Variants in TRERF1 observed in about 807,000 individuals in gnomAD.
TRERF1 encodes transcriptional-regulating factor 1.
TRERF1 carries 27 observed loss-of-function variants against 122.9 expected under a neutral mutation model. The ratio of observed to expected loss-of-function variants is 0.22; its 90% confidence interval spans 0.16 to 0.30. The LOEUF (loss-of-function observed/expected upper bound fraction) is 0.30, where lower values mean the gene tolerates loss of function less well. Ranked by LOEUF, TRERF1 falls within the 10% of genes least tolerant of loss-of-function variation. The probability of loss-of-function intolerance (pLI) is 1.00; values close to 1 mark genes in which losing one functional copy is unlikely to be tolerated. For synonymous variants in TRERF1, 636 were observed against 641.7 expected (o/e 0.99, Z 0.13); for missense variants, 1,248 against 1,560.3 (o/e 0.80, Z 3.37).
intron 3 of TRERF1, among the ~76,000 whole-genome samples, chr6:42,326,864 A>C (rs952992289): frequency 2.0e-5 from 3 of 152,240 alleles, no homozygotes; most frequent in African/African-American, 7.2e-5. Flanking sequence ...AAAAGGTGCC[A>C]TCAACAGACA....
chr6:42,266,560 T>C (rs1381471300), intron 5 of TRERF1, among the ~76,000 whole-genome samples: 1 of 152,208 alleles, frequency 6.6e-6, no homozygotes, highest in Admixed American at 6.5e-5. Context: ...CAGTTACCAC[T>C]GGTTCTGAAC....
chr6:42,256,640 A>G (rs1162780353), intron 12 of TRERF1, 88 bp downstream of exon 12: 1 of 1,166,990 alleles, frequency 8.6e-7, no homozygotes, highest in South Asian at 1.3e-5. Flanking sequence ...GGTCATTACA[A>G]ATTGGTTGTA....
rs78809395 is a variant in TRERF1 at position 42,261,975 on chromosome 6, T to C, written c.1884+1345A>G. 5.3e-3 allele frequency among the ~76,000 whole-genome samples: 798 copies of C among 151,832 alleles called. 9 individuals are homozygous for C. The highest frequency in any genetic ancestry group is 0.018 in the African/African-American group (721 of 41,174). The stretch of plus-strand genomic sequence containing the variant: ...CTGCCCCTGTCTTTCTCTTACCATC[T>C]TGAAGGGGTGGGGGGGGTGTGCCTG... On this transcript the variant is annotated intron_variant, in intron 8 of 17. Coordinates refer to ENST00000372922, the Ensembl canonical transcript of TRERF1.
At position 42,259,633 on chromosome 6, in the gene TRERF1, C is replaced by T. The variant is rs147633581; in HGVS notation, c.1975G>A (p.Glu659Lys). The T allele has an allele frequency of 2.5e-6, 4 of 1,613,012 alleles. No individual in the cohort carries two copies. The highest frequency in any genetic ancestry group is 3.4e-6 in the Non-Finnish European group (4 of 1,179,990). ...GGCGGCGGCGGGATGAAGAGAGGTTCCGGCCGGTGCCGGAACTTTTTCTTC... is the reference window on the plus strand; with the variant it reads ...GGCGGCGGCGGGATGAAGAGAGGTTTCGGCCGGTGCCGGAACTTTTTCTTC... Residue 659 changes from glutamate to lysine, a missense_variant, in exon 9 of 18, where the codon GAA becomes AAA. Around this residue, in one of 5 missense-constraint regions of TRERF1, gnomAD observed 946 missense variants for 1,073.0 expected, o/e 0.88. Transcript: ENST00000372922. The surrounding 1 kb of genome is among the most constrained non-coding windows in gnomAD (Gnocchi z 4.9).
chr6:42,232,910 T>G lies in TRERF1; in HGVS notation c.3067-18A>C, dbSNP rs867629215. The G allele has an allele frequency of 1.3e-6, 2 of 1,576,496 alleles. No individual in the cohort carries two copies. Among genetic ancestry groups the G allele is most frequent in the African/African-American group, 2.7e-5 (2 of 74,488 alleles). On this transcript the variant is annotated intron_variant, in intron 16 of 17. Coordinates refer to ENST00000372922, the Ensembl canonical transcript of TRERF1. This position sits in a 1 kb window ranked among gnomAD's most constrained non-coding sequence, Gnocchi z 4.5. ...CTGAACACCTGGGGAAGAAAGGGAG[T>G]GACATGACATCTACAGTCCTGAAAA...
chr6:42,363,033 G>T (rs1432280649), exon 3 of TRERF1: 1 of 153,566 alleles, frequency 6.5e-6, no homozygotes, highest in African/African-American at 2.4e-5. Context: ...TTTCAGGGTC[G>T]TCCTGCTTCT....
At chr6:42,299,888 T>C (rs540600313) in intron 4 of TRERF1, among the ~76,000 whole-genome samples, 1 of 152,208 alleles carries the variant, frequency 6.6e-6, no homozygotes, top group African/African-American at 2.4e-5. Flanking sequence ...GAAGAACGAA[T>C]GGTGAATGAA....
Position 42,232,056 on chromosome 6 carries a change from T to C in TRERF1, c.3278+625A>G, listed in dbSNP as rs1381630381. Among the ~76,000 whole-genome samples, 1 of 152,252 alleles carries C rather than the reference T, an allele frequency of 6.6e-6. No homozygotes were observed. The highest frequency in any genetic ancestry group is 1.9e-4 in the East Asian group (1 of 5,198). On this transcript the variant is annotated intron_variant, in intron 17 of 17. Transcript: ENST00000372922. This position sits in a 1 kb window ranked among gnomAD's most constrained non-coding sequence, Gnocchi z 4.5. ...ATAATTACTATCTCGTTACTTTTTT[T>C]CTTTAGCTGTTGTTGTTTTTTAAAT...
At chr6:42,285,806 T>C (rs938271838) in intron 4 of TRERF1, among the ~76,000 whole-genome samples, 3 of 151,840 alleles carry the variant, frequency 2.0e-5, no homozygotes, top group East Asian at 1.9e-4. Context: ...AAAGTTCATA[T>C]GGAACCAAAA....
rs140471304 is a variant in TRERF1, at chr6:42,394,072, C to T, written c.-453-30993G>A. Among the ~76,000 whole-genome samples the T allele has an allele frequency of 5.3e-5, 8 of 152,208 alleles. No homozygotes were observed. The East Asian group carries it at 5.8e-4, about 11-fold the overall frequency. On this transcript the variant is annotated intron_variant, in intron 2 of 17. Transcript: ENST00000372922. The stretch of plus-strand genomic sequence containing the variant: ...GCTTTTATGACCATAAAACAGTAAA[C>T]GGACCAGATTTTTAAATCTGGATTT...
chr6:42,298,921 C>T (rs919812945), intron 4 of TRERF1, among the ~76,000 whole-genome samples: 4 of 151,978 alleles, frequency 2.6e-5, no homozygotes, highest in African/African-American at 9.7e-5. Context: ...GACTGGGAAA[C>T]AGAGAGAGAT....
At chr6:42,392,891 C>T (rs1013917435) in intron 2 of TRERF1, among the ~76,000 whole-genome samples, 5 of 149,980 alleles carry the variant, frequency 3.3e-5, no homozygotes, top group Non-Finnish European at 7.4e-5. Context: ...GCTGGTAAGG[C>T]GAATGTTTAA....
At chr6:42,298,447 C>T (rs1785477934) in intron 4 of TRERF1, among the ~76,000 whole-genome samples, 1 of 151,554 alleles carries the variant, frequency 6.6e-6, no homozygotes, top group African/African-American at 2.4e-5. Flanking sequence ...TGAGCTATTC[C>T]CCCGGCCAGA....
intron 2 of TRERF1, among the ~76,000 whole-genome samples, chr6:42,436,573 T>C (rs901292799): frequency 1.3e-5 from 2 of 151,728 alleles, no homozygotes; most frequent in Admixed American, 6.6e-5. Context: ...CCCAGGCCTA[T>C]TGTTATTTAA....
chr6:42,359,025 T>C (rs1231293081), intron 3 of TRERF1, among the ~76,000 whole-genome samples: 2 of 152,184 alleles, frequency 1.3e-5, no homozygotes, highest in Non-Finnish European at 2.9e-5. Context: ...CTGGCCACTA[T>C]GGAACACTGT....
chr6:42,272,506 A>G (rs542995241), intron 4 of TRERF1, among the ~76,000 whole-genome samples: 17 of 152,194 alleles, frequency 1.1e-4, no homozygotes, highest in Non-Finnish European at 2.4e-4. Flanking sequence ...GCAGAATCTC[A>G]GGCTCCAGTT....
intron 4 of TRERF1, among the ~76,000 whole-genome samples, chr6:42,273,122 A>G (rs1366316208): frequency 6.6e-6 from 1 of 151,816 alleles, no homozygotes; most frequent in Non-Finnish European, 1.5e-5. Flanking sequence ...GTTCACTCTG[A>G]CCCCAATCCC....
At chr6:42,339,036 T>C (rs1255508355) in intron 3 of TRERF1, among the ~76,000 whole-genome samples, 1 of 152,132 alleles carries the variant, frequency 6.6e-6, no homozygotes, top group African/African-American at 2.4e-5. Flanking sequence ...GGTGAACACA[T>C]GCTACTGCCA....
chr6:42,288,953 C>CTGTGTGTGTG lies in TRERF1; in HGVS notation c.-259+11675_-259+11684dup, dbSNP rs3074800. On this transcript the variant is annotated intron_variant, in intron 4 of 17. Coordinates refer to ENST00000372922, the Ensembl canonical transcript of TRERF1. ...GGAAACCATTAAAGTATCTTGAACT[C>CTGTGTGTGTG]TGTGTGTGTGTGTGTGTGTGTGTGT... Among the ~76,000 whole-genome samples, 655 of 144,394 alleles carry CTGTGTGTGTG rather than the reference C, an allele frequency of 4.5e-3. 6 individuals are homozygous for CTGTGTGTGTG. Among genetic ancestry groups the CTGTGTGTGTG allele is most frequent in the East Asian group, 0.019 (95 of 4,888 alleles). The allele number at this position is 144,394 out of a possible 152,430, so 94.7% of individuals were successfully genotyped here. A position where few individuals can be genotyped will look rare whatever the true frequency, so the allele number is the denominator to read the frequency against.
Sources: allele counts gnomAD v4.1 joint callset (sites outside exome capture counted in the v4.1 genomes callset), GRCh38; gene constraint gnomAD v4.1.1; regional missense constraint gnomAD v4.1.1; non-coding constraint Gnocchi (gnomAD v3.1); transcripts MANE v1.5; gene names NCBI Gene and HGNC (gene_info 2026-07-23, HGNC 2026-07-21).